Variants in DENND1B observed in about 807,000 individuals in gnomAD.
DENND1B encodes DENN domain containing 1B.
A neutral mutation model predicts 90.1 loss-of-function variants in DENND1B; 59 were observed. That is an observed-to-expected ratio of 0.65 (90% CI 0.53 to 0.81). The LOEUF (loss-of-function observed/expected upper bound fraction) is 0.81. DENND1B is among the 40% of genes least tolerant of loss of function. DENND1B has a pLI of 0.00. For synonymous variants in DENND1B, 337 were observed against 324.6 expected, an observed-to-expected ratio of 1.04 and a Z score of -0.41; for missense variants, 862 against 912.6, an observed-to-expected ratio of 0.94 and a Z score of 0.71.
chr1:197,661,300 A>G (rs1291341580), intron 5 of DENND1B, among the ~76,000 whole-genome samples: 3 of 152,136 alleles, frequency 2.0e-5, no homozygotes, highest in Non-Finnish European at 4.4e-5. Flanking sequence ...TTCTGCATTC[A>G]CTATAACTCA....
chr1:197,543,105 T>C (rs755299891), intron 18 of DENND1B, among the ~76,000 whole-genome samples: 4 of 151,954 alleles, frequency 2.6e-5, no homozygotes, highest in Admixed American at 2.6e-4. Context: ...TGGATAATTT[T>C]TGTATTTTCA....
intron 2 of DENND1B, 118 bp from the exon 3 acceptor site, chr1:197,715,192 T>A (rs1660531938): frequency 1.4e-6 from 1 of 693,326 alleles, no homozygotes; most frequent in Admixed American, 3.1e-5. Context: ...TTTAAATTTT[T>A]CTTTAAACAT....
chr1:197,547,362 G>A (rs1246860284), intron 16 of DENND1B, among the ~76,000 whole-genome samples: 3 of 151,994 alleles, frequency 2.0e-5, no homozygotes, highest in African/African-American at 7.3e-5. Context: ...TGTGGCTGTG[G>A]ATTTTAAAAG....
chr1:197,751,109 T>C (rs895786014), intron 2 of DENND1B, among the ~76,000 whole-genome samples: 12 of 152,142 alleles, frequency 7.9e-5, no homozygotes, highest in Admixed American at 5.9e-4. Flanking sequence ...ATTTAAACAA[T>C]ACATCCAACA....
intron 15 of DENND1B, among the ~76,000 whole-genome samples, chr1:197,553,634 A>C (rs1671443369): frequency 6.6e-6 from 1 of 152,170 alleles, no homozygotes; most frequent in African/African-American, 2.4e-5. Context: ...TCAGCTTATT[A>C]ACTTCATTCA....
At chr1:197,631,542 A>T (rs534560540) in intron 10 of DENND1B, among the ~76,000 whole-genome samples, 6 of 152,036 alleles carry the variant, frequency 3.9e-5, no homozygotes, top group Non-Finnish European at 7.4e-5. Flanking sequence ...CTCTTTAACT[A>T]TTAGTCATAT....
At chr1:197,700,995 T>G (rs1458584303) in intron 3 of DENND1B, among the ~76,000 whole-genome samples, 1 of 152,186 alleles carries the variant, frequency 6.6e-6, no homozygotes, top group Non-Finnish European at 1.5e-5. Flanking sequence ...GTAAATTAGT[T>G]CAACCATTGT....
chr1:197,534,127 ACAG>A lies in DENND1B; in HGVS notation c.1515+5834_1515+5836del, dbSNP rs1669709262. ...ATCAAAAAGTGGGCGAAGGACATGA[ACAG>A]ACACTTCTCAAAACAAATCTTTTAA... On this transcript the variant is annotated intron_variant, in intron 20 of 22. Transcript: ENST00000620048. Among the ~76,000 whole-genome samples the A allele has an allele frequency of 1.9e-3, 2 of 1,072 alleles. 1 individual carries two copies. The highest frequency in any genetic ancestry group is 1.9e-3 in the African/African-American group (2 of 1,052). The allele number at this position is 1,072 out of a possible 152,430, so 0.7% of individuals were successfully genotyped here.
rs774379921 is a variant in DENND1B at position 197,611,912 on chromosome 1, A to G, written c.819+19T>C. 2 of 1,598,402 alleles carry G rather than the reference A, an allele frequency of 1.3e-6. No homozygotes were observed. The highest frequency in any genetic ancestry group is 2.2e-5 in the South Asian group (2 of 90,142). ...TATGAGTTAATTTTATCACTGTCTC[A>G]TGTCTGAAAGATACTCACCTCTATG... On this transcript the variant is annotated intron_variant, in intron 12 of 22. Transcript: ENST00000620048.
Position 197,534,138 on chromosome 1 carries a change from T to A in DENND1B, c.1515+5826A>T, listed in dbSNP as rs200542364. Among the ~76,000 whole-genome samples the A allele has an allele frequency of 1.9e-3, 2 of 1,074 alleles. 1 individual carries two copies. Among genetic ancestry groups the A allele is most frequent in the African/African-American group, 1.9e-3 (2 of 1,054 alleles). The allele number at this position is 1,074 out of a possible 152,430, so 0.7% of individuals were successfully genotyped here. A position where few individuals can be genotyped will look rare whatever the true frequency, so the allele number is the denominator to read the frequency against. Reference sequence around the variant, plus strand: ...GGCGAAGGACATGAACAGACACTTCTCAAAACAAATCTTTTAAAAGAATTT... The same window carrying A: ...GGCGAAGGACATGAACAGACACTTCACAAAACAAATCTTTTAAAAGAATTT... On this transcript the variant is annotated intron_variant, in intron 20 of 22. Coordinates refer to ENST00000620048, the MANE Select transcript of DENND1B (RefSeq NM_001195215.2).
intron 3 of DENND1B, among the ~76,000 whole-genome samples, chr1:197,706,298 T>C (rs1365200181): frequency 2.0e-5 from 3 of 152,162 alleles, no homozygotes; most frequent in Non-Finnish European, 4.4e-5. Context: ...ATTTGTATAA[T>C]ATAAAACCTG....
intron 15 of DENND1B, among the ~76,000 whole-genome samples, chr1:197,572,260 G>A (rs953344052): frequency 6.6e-6 from 1 of 152,180 alleles, no homozygotes; most frequent in African/African-American, 2.4e-5. Context: ...GACCAGGAGA[G>A]TCTCTTCTGT....
At chr1:197,759,668 G>C (rs562558976) in intron 2 of DENND1B, among the ~76,000 whole-genome samples, 1 of 149,842 alleles carries the variant, frequency 6.7e-6, no homozygotes, top group Non-Finnish European at 1.5e-5. Context: ...GCGTGAACCC[G>C]GGAGGTGGAG....
chr1:197,658,360 G>C lies in DENND1B; in HGVS notation c.306C>G (p.Pro102=). Residue 102 remains proline, a synonymous_variant, in exon 6 of 23, where the codon CCC becomes CCG. Coordinates refer to ENST00000620048, the MANE Select transcript of DENND1B (RefSeq NM_001195215.2). ...GAAGCTTGTAATACACTTCAAACCA[G>C]GGAAGGTAACTGTAAAATAATTATT... ...TICLCILSYL[P]WFEVYYKLLN... The C allele has an allele frequency of 6.3e-7, 1 of 1,598,932 alleles. No homozygotes were observed. Among genetic ancestry groups the C allele is most frequent in the Admixed American group, 1.7e-5 (1 of 59,634 alleles).
At chr1:197,662,311 G>A (rs1428871621) in intron 5 of DENND1B, among the ~76,000 whole-genome samples, 1 of 152,006 alleles carries the variant, frequency 6.6e-6, no homozygotes, top group Non-Finnish European at 1.5e-5. Flanking sequence ...TGGAAGTGCA[G>A]GAAGTAAAAT....
rs568920120 is a variant in DENND1B at position 197,598,713 on chromosome 1, A to G, written c.922-3380T>C. Among the ~76,000 whole-genome samples, 12 of 151,984 alleles carry G rather than the reference A, an allele frequency of 7.9e-5. No individual in the cohort carries two copies. The South Asian group carries it at 2.5e-3, about 32-fold the overall frequency. ...ATGGCTATTATCACATAATCCTATT[A>G]ATACTGAAAAAGTATCAATTGTTTT... is the stretch of plus-strand genomic sequence containing the variant. On this transcript the variant is annotated intron_variant, in intron 13 of 22. Transcript: ENST00000620048.
At chr1:197,733,558 CTCTG>C in intron 2 of DENND1B, among the ~76,000 whole-genome samples, 1 of 152,268 alleles carries the variant, frequency 6.6e-6, no homozygotes, top group South Asian at 2.1e-4. Flanking sequence ...AGAACAAAAG[CTCTG>C]TCTTTGTCTT....
intron 2 of DENND1B, chr1:197,734,367 A>G: frequency 2.0e-6 from 2 of 979,642 alleles, no homozygotes; most frequent in Non-Finnish European, 2.4e-6. Flanking sequence ...GTTATGGTTG[A>G]GTTCATGAAT....
At chr1:197,693,442 CAAATATTGTATACTACTTA>C (rs1658113381) in intron 3 of DENND1B, among the ~76,000 whole-genome samples, 2 of 151,538 alleles carry the variant, frequency 1.3e-5, no homozygotes, top group Non-Finnish European at 3.0e-5. Flanking sequence ...AAATATTAAG[CAAATATTGTATACTACTTA>C]AAATATTTTT....
Sources: gnomAD v4.1 joint callset for allele counts (sites outside exome capture counted in the v4.1 genomes callset) on GRCh38, gnomAD v4.1.1 for gene constraint, MANE v1.5 for transcripts, NCBI Gene and HGNC (gene_info 2026-07-23, HGNC 2026-07-21) for gene names.